Variants in USP10 observed in about 807,000 individuals in gnomAD.
USP10 encodes the protein ubiquitin carboxyl-terminal hydrolase 10.
Under a neutral mutation model 84.5 loss-of-function variants are expected in USP10, and 22 were observed. The observed-to-expected ratio is 0.26, with a 90% CI of 0.19 to 0.37. The LOEUF (loss-of-function observed/expected upper bound fraction) is 0.37. Ranked by LOEUF, USP10 falls within the 10% of genes least tolerant of loss-of-function variation. USP10 has a pLI of 1.00. For synonymous variants in USP10, 454 were observed against 387.6 expected (o/e 1.17, Z -2.01); for missense variants, 1,019 against 998.9 (o/e 1.02, Z -0.27).
chr16:84,753,213 C>T (rs1023148601), intron 4 of USP10, among the ~76,000 whole-genome samples: 1 of 152,118 alleles, frequency 6.6e-6, no homozygotes, highest in African/African-American at 2.4e-5. Flanking sequence ...AACTCCTGGA[C>T]TCAAGTGATC....
chr16:84,706,317 C>T (rs1275672439), intron 1 of USP10, among the ~76,000 whole-genome samples: 1 of 152,012 alleles, frequency 6.6e-6, no homozygotes, highest in East Asian at 1.9e-4. Flanking sequence ...ATATAAAAAA[C>T]TTCTGATACA....
chr16:84,745,200 G>C lies in USP10; in HGVS notation c.719G>C (p.Gly240Ala). The C allele has an allele frequency of 6.2e-7, 1 of 1,613,290 alleles. No individual in the cohort carries two copies. Among genetic ancestry groups the C allele is most frequent in the South Asian group, 1.1e-5 (1 of 91,028 alleles). Reference protein sequence around the residue: ...GALGSDTRTAGQPEGGPGADF... With the variant: ...GALGSDTRTAAQPEGGPGADF... ...CTCGGCAGTGACACCAGGACTGCAG[G>C]GCAGCCAGAGGGGGGCCCCGGGGCT... The change falls in exon 4 of 14, where the codon GGG (glycine) becomes GCG (alanine). Residue 240 changes from glycine to alanine, a missense_variant. Transcript: ENST00000219473.
At chr16:84,739,860 C>T (rs941653965) in intron 2 of USP10, among the ~76,000 whole-genome samples, 1 of 152,172 alleles carries the variant, frequency 6.6e-6, no homozygotes, top group Non-Finnish European at 1.5e-5. Flanking sequence ...GACCATGGAC[C>T]TGGTCCCAGC....
At position 84,771,095 on chromosome 16, in the gene USP10, G is replaced by A. The variant is rs532471246; in HGVS notation, c.1999-1446G>A. ...AGTGTTATCCAAATGAATATGGGAA[G>A]CATCAAAGACTTTGTAAGTACAGAG... is the stretch of plus-strand genomic sequence containing the variant. On this transcript the variant is annotated intron_variant, in intron 11 of 13. Coordinates refer to ENST00000219473, the MANE Select transcript of USP10 (RefSeq NM_005153.3). Among the ~76,000 whole-genome samples, 5 of 151,580 alleles carry A rather than the reference G, an allele frequency of 3.3e-5. No individual in the cohort carries two copies. The South Asian group carries it at 1.0e-3, about 32-fold the overall frequency.
At chr16:84,771,051 T>C (rs925556120) in intron 11 of USP10, among the ~76,000 whole-genome samples, 1 of 95,722 alleles carries the variant, frequency 1.0e-5, no homozygotes, top group Non-Finnish European at 2.5e-5. Flanking sequence ...AGCGAGACTG[T>C]CTCAAAAAAA....
chr16:84,758,685 A>G (rs41327444), intron 4 of USP10, 31 bp from the exon 5 acceptor site: 113,501 of 1,480,904 alleles, frequency 0.077, 5,414 homozygotes, highest in African/African-American at 0.21. Flanking sequence ...GATGTCATCA[A>G]TTTCTGAAAT....
intron 2 of USP10, among the ~76,000 whole-genome samples, chr16:84,734,264 T>TA (rs35354296): frequency 0.28 from 42,337 of 150,714 alleles, 6,172 homozygotes; most frequent in Admixed American, 0.42. Context: ...TTGCTCGTAT[T>TA]AAAAAAAAAA....
intron 4 of USP10, among the ~76,000 whole-genome samples, chr16:84,748,593 C>A (rs577749141): frequency 6.6e-6 from 1 of 152,230 alleles, no homozygotes; most frequent in Non-Finnish European, 1.5e-5. Flanking sequence ...CGTGAGCCAC[C>A]GCGCCCAGCT....
intron 1 of USP10, chr16:84,733,197 A>G: frequency 1.7e-6 from 1 of 579,666 alleles, no homozygotes; most frequent in Non-Finnish European, 3.2e-6. Flanking sequence ...GATTTGTTTC[A>G]AAATAAGCTT....
At position 84,745,104 on chromosome 16, in the gene USP10, C is replaced by T. The variant is rs1246791793; in HGVS notation, c.623C>T (p.Thr208Ile). 1.9e-6 allele frequency: 3 copies of T among 1,613,464 alleles called. No homozygotes were observed. The highest frequency in any genetic ancestry group is 1.3e-5 in the African/African-American group (1 of 74,902). Residue 208 changes from threonine to isoleucine, a missense_variant, in exon 4 of 14, where the codon ACT becomes ATT. Thr to Ile is a moderately conservative substitution (Grantham distance 89). Around this residue, in one of 2 missense-constraint regions of USP10, gnomAD observed 787 missense variants for 708.8 expected, o/e 1.11. Coordinates refer to ENST00000219473, the MANE Select transcript of USP10 (RefSeq NM_005153.3). ...ATGCCCCCGTCAGTTACGCCCAGGA[C>T]TTGTAACAGCCCCCAGAACTCCACA... The part of the protein sequence containing the change: ...GDMPPSVTPR[T>I]CNSPQNSTDS...
chr16:84,758,863 G>C, intron 5 of USP10, 56 bp downstream of exon 5: 2 of 1,295,236 alleles, frequency 1.5e-6, no homozygotes, highest in Middle Eastern at 1.8e-4. Context: ...TCCCTCCTTT[G>C]GGTGCATGTG....
At chr16:84,703,335 C>T (rs1241784910) in intron 1 of USP10, among the ~76,000 whole-genome samples, 1 of 152,178 alleles carries the variant, frequency 6.6e-6, no homozygotes, top group Non-Finnish European at 1.5e-5. Flanking sequence ...AGTGAAATCT[C>T]CACAATAATG....
At chr16:84,726,245 C>T (rs967857523) in intron 1 of USP10, among the ~76,000 whole-genome samples, 3 of 152,214 alleles carry the variant, frequency 2.0e-5, no homozygotes, top group Admixed American at 6.5e-5. Context: ...TAGTCCCCAG[C>T]GTCTCCTGAA....
chr16:84,707,552 T>C (rs1485442466), intron 1 of USP10, among the ~76,000 whole-genome samples: 1 of 152,228 alleles, frequency 6.6e-6, no homozygotes, highest in Non-Finnish European at 1.5e-5. Flanking sequence ...CGTTGTTTCA[T>C]AATATGGTCT....
intron 1 of USP10, among the ~76,000 whole-genome samples, chr16:84,701,500 C>A (rs927998830): frequency 5.9e-5 from 9 of 152,096 alleles, no homozygotes; most frequent in Admixed American, 4.6e-4. Flanking sequence ...TTGATATTTG[C>A]TTTTTTCTCA....
rs919412871 is a variant in USP10 at position 84,700,024 on chromosome 16, A to G, written c.-67A>G. The G allele has an allele frequency of 7.5e-7, 1 of 1,326,184 alleles. No homozygotes were observed. The highest frequency in any genetic ancestry group is 1.4e-5 in the South Asian group (1 of 72,074). 82.2% of individuals were successfully genotyped at this position (1,326,184 alleles called of 1,614,324 possible). On this transcript the variant is annotated 5_prime_UTR_variant, in exon 1 of 14. It removes an upstream start codon present in the reference 5' UTR. Transcript: ENST00000219473. ...CGAGTGTGTATGTGCGGGCGAGAAGATGGCGGCGGCGGGGGAAGCAGCGTG... is the reference window on the plus strand; with the variant it reads ...CGAGTGTGTATGTGCGGGCGAGAAGGTGGCGGCGGCGGGGGAAGCAGCGTG...
intron 10 of USP10, among the ~76,000 whole-genome samples, chr16:84,766,758 CTG>C (rs1488031507): frequency 1.1e-4 from 16 of 152,200 alleles, no homozygotes; most frequent in Non-Finnish European, 1.5e-4. Context: ...TGAGGGGTCT[CTG>C]TGTTGAAATT....
chr16:84,779,136 A>G lies in USP10; in HGVS notation c.*54A>G. 6.4e-7 allele frequency: 1 copy of G among 1,551,720 alleles called. No homozygotes were observed. The highest frequency in any genetic ancestry group is 1.2e-5 in the South Asian group (1 of 84,076). ...TGCCCGCTTCGTAGGACACCACCTCACACTCACTTCCCGCCTCTCTTTAGT... is the reference window on the plus strand; with the variant it reads ...TGCCCGCTTCGTAGGACACCACCTCGCACTCACTTCCCGCCTCTCTTTAGT... On this transcript the variant is annotated 3_prime_UTR_variant, in exon 14 of 14. Transcript: ENST00000219473.
intron 1 of USP10, among the ~76,000 whole-genome samples, chr16:84,714,235 A>C (rs1283001110): frequency 6.6e-6 from 1 of 152,240 alleles, no homozygotes; most frequent in Non-Finnish European, 1.5e-5. Flanking sequence ...GGCGGGAGCC[A>C]GCTCGTTGTG....
Sources: allele counts gnomAD v4.1 joint callset (sites outside exome capture counted in the v4.1 genomes callset), GRCh38; gene constraint gnomAD v4.1.1; regional missense constraint gnomAD v4.1.1; transcripts MANE v1.5; gene names NCBI Gene and HGNC (gene_info 2026-07-23, HGNC 2026-07-21).